The following ASPH variants were observed in gnomAD, a reference collection of about 807,000 sequenced individuals.
ASPH encodes aspartate beta-hydroxylase, also known as aspartyl/asparaginyl beta-hydroxylase.
A neutral mutation model predicts 118.4 loss-of-function variants in ASPH; 100 were observed. The ratio of observed to expected loss-of-function variants is 0.84; its 90% CI spans 0.72 to 1.00. The LOEUF (loss-of-function observed/expected upper bound fraction) is 1.00, where lower values mean the gene tolerates loss of function less well. ASPH is among the 50% of genes least tolerant of loss of function. The pLI is 0.00. For missense variants in ASPH, 920 were observed against 919.5 expected (o/e 1.00, Z -0.01); for synonymous variants, 315 against 325.6 (o/e 0.97, Z 0.35).
intron 14 of ASPH, among the ~76,000 whole-genome samples, chr8:61,585,002 C>G (rs1316247089): frequency 6.6e-6 from 1 of 152,248 alleles, no homozygotes; most frequent in East Asian, 1.9e-4. Context: ...CTGCGTATCT[C>G]TGTTTTGTGG....
At chr8:61,669,438 T>C (rs185378990) in intron 3 of ASPH, among the ~76,000 whole-genome samples, 214 of 152,326 alleles carry the variant, frequency 1.4e-3, no homozygotes, top group Non-Finnish European at 2.5e-3. Context: ...TCCACTTATA[T>C]GAAATACATA....
intron 20 of ASPH, among the ~76,000 whole-genome samples, chr8:61,551,926 A>C (rs1486567839): frequency 6.6e-6 from 1 of 152,230 alleles, no homozygotes; most frequent in Non-Finnish European, 1.5e-5. Context: ...AGAGGGGGAA[A>C]GGTACAGATA....
intron 2 of ASPH, among the ~76,000 whole-genome samples, chr8:61,683,095 A>G (rs1363478053): frequency 6.6e-6 from 1 of 152,174 alleles, no homozygotes; most frequent in Non-Finnish European, 1.5e-5. Context: ...AAAAGATCAT[A>G]TAATGTATGG....
chr8:61,526,063 A>G lies in ASPH; in HGVS notation c.1814T>C (p.Met605Thr). The change falls in exon 22 of 25, where the codon ATG becomes ACG. Residue 605 changes from methionine to threonine, a missense_variant. Met to Thr is a moderately conservative substitution (Grantham distance 81). Coordinates refer to ENST00000379454, the MANE Select transcript of ASPH (RefSeq NM_004318.4). ...KLIRDEGLAVMDKAKGLFLPE... is the reference protein window; with the variant it reads ...KLIRDEGLAVTDKAKGLFLPE... ...CAGGAAGAGACCTTTGGCTTTATCC[A>G]TCACTGCAAGGCCTTCATCTCGGAT... The G allele has an allele frequency of 6.2e-7, 1 of 1,614,042 alleles. No homozygotes were observed. Among genetic ancestry groups the G allele is most frequent in the East Asian group, 2.2e-5 (1 of 44,880 alleles).
chr8:61,708,563 A>G (rs931820925), intron 1 of ASPH, among the ~76,000 whole-genome samples: 3 of 152,232 alleles, frequency 2.0e-5, no homozygotes, highest in African/African-American at 7.2e-5. Flanking sequence ...TAAGAAAAAG[A>G]AGTTACAGAC....
rs1843617707 is a variant in ASPH, at chr8:61,600,315, G to GTTACCATATCT, written c.977-16287_977-16286insAGATATGGTAA. Among the ~76,000 whole-genome samples, 360 of 147,482 alleles carry GTTACCATATCT rather than the reference G, an allele frequency of 2.4e-3. 1 individual carries two copies. The highest frequency in any genetic ancestry group is 9.0e-3 in the African/African-American group (336 of 37,130). Reference sequence around the variant, plus strand: ...GCAGAAAGCCTTTCCTCTAAGAACTGAAATAAGAAAAAGGTGTTTACTTTC... The same window carrying GTTACCATATCT: ...GCAGAAAGCCTTTCCTCTAAGAACTGTTACCATATCTAAATAAGAAAAAGGTGTTTACTTTC... On this transcript the variant is annotated intron_variant, in intron 14 of 24. Coordinates refer to ENST00000379454, the MANE Select transcript of ASPH (RefSeq NM_004318.4).
chr8:61,551,345 GA>G (rs1420469158), intron 20 of ASPH, among the ~76,000 whole-genome samples: 1 of 152,208 alleles, frequency 6.6e-6, no homozygotes, highest in African/African-American at 2.4e-5. Flanking sequence ...ATAAAAACGT[GA>G]AAGGTGTTTA....
chr8:61,683,139 GCA>G (rs1828929319), intron 2 of ASPH, among the ~76,000 whole-genome samples: 1 of 151,922 alleles, frequency 6.6e-6, no homozygotes, highest in Admixed American at 6.6e-5. Flanking sequence ...ATAAACAAAA[GCA>G]CAGACACAGA....
At chr8:61,581,529 G>A (rs1358004855) in intron 15 of ASPH, among the ~76,000 whole-genome samples, 2 of 152,214 alleles carry the variant, frequency 1.3e-5, no homozygotes, top group Non-Finnish European at 2.9e-5. Context: ...GGGGAAGTAG[G>A]AAGTTTTGCA....
intron 1 of ASPH, chr8:61,689,747 A>AC (rs1832070764): frequency 1.8e-5 from 28 of 1,536,736 alleles, no homozygotes; most frequent in Non-Finnish European, 2.5e-5. Context: ...AAAAAAAAAA[A>AC]CTCAAAAGTA....
chr8:61,610,376 C>T (rs1018773764), intron 14 of ASPH, among the ~76,000 whole-genome samples: 10 of 152,210 alleles, frequency 6.6e-5, no homozygotes, highest in Admixed American at 6.5e-4. Context: ...AAAACCTCTA[C>T]TATACTTGCT....
chr8:61,542,855 T>A (rs972297259), intron 21 of ASPH, among the ~76,000 whole-genome samples: 3 of 152,146 alleles, frequency 2.0e-5, no homozygotes, highest in African/African-American at 7.2e-5. Context: ...GATATAGAAT[T>A]CTTGGTTGGC....
chr8:61,679,312 T>C (rs1826804173), intron 3 of ASPH, among the ~76,000 whole-genome samples: 1 of 152,138 alleles, frequency 6.6e-6, no homozygotes, highest in African/African-American at 2.4e-5. Flanking sequence ...ATAATTCTTA[T>C]AAATGGCACA....
intron 22 of ASPH, among the ~76,000 whole-genome samples, chr8:61,522,207 A>G (rs1260939799): frequency 6.6e-6 from 1 of 152,204 alleles, no homozygotes; most frequent in African/African-American, 2.4e-5. Flanking sequence ...TCAACTCTAA[A>G]AAGCCAGTCC....
chr8:61,607,761 A>C (rs1279274210), intron 14 of ASPH, among the ~76,000 whole-genome samples: 1 of 152,182 alleles, frequency 6.6e-6, no homozygotes, highest in Non-Finnish European at 1.5e-5. Context: ...ACGAAGTGGA[A>C]TGCATCTGCC....
Position 61,618,873 on chromosome 8 carries a change from C to A in ASPH, c.976+105G>T, listed in dbSNP as rs1192028679. ...GAAATAACAAACCCAGGAGCAAATT[C>A]TTTTAATTAGTGACATAAAATCATG... On this transcript the variant is annotated intron_variant, in intron 14 of 24. Transcript: ENST00000379454. 4 of 992,312 alleles carry A rather than the reference C, an allele frequency of 4.0e-6. No homozygotes were observed. In the East Asian group the frequency reaches 7.9e-5, roughly 20 times the overall value. 61.5% of individuals were successfully genotyped at this position (992,312 alleles called of 1,614,324 possible). A position where few individuals can be genotyped will look rare whatever the true frequency, so the allele number is the denominator to read the frequency against.
In ASPH at chr8:61,562,820, G is replaced by A. The variant is rs1188758883; in HGVS notation, c.1361C>T (p.Thr454Ile). Reference protein sequence around the residue: ...QRLVQLFPNDTSLKNDLGVGY... With the variant: ...QRLVQLFPNDISLKNDLGVGY... ...CACGCCAAGGTCATTTTTTAAGGAA[G>A]TATCATTGGGAAATAGTTGAACTAA... Residue 454 changes from threonine to isoleucine, a missense_variant, in exon 18 of 25, where the codon ACT becomes ATT. Transcript: ENST00000379454. The A allele has an allele frequency of 6.2e-7, 1 of 1,612,706 alleles. No individual in the cohort carries two copies. The highest frequency in any genetic ancestry group is 1.7e-4 in the Middle Eastern group (1 of 6,052).
At chr8:61,603,254 A>C (rs117298726) in intron 14 of ASPH, among the ~76,000 whole-genome samples, 1 of 150,682 alleles carries the variant, frequency 6.6e-6, no homozygotes, top group Non-Finnish European at 1.5e-5. Flanking sequence ...TGAATATCAT[A>C]GTTGGATACT....
chr8:61,706,982 G>A (rs1016293155), intron 1 of ASPH, among the ~76,000 whole-genome samples: 2 of 152,142 alleles, frequency 1.3e-5, no homozygotes, highest in Admixed American at 1.3e-4. Flanking sequence ...ACACCAGGTG[G>A]TTCAGAGATC....
Sources: gnomAD v4.1 joint callset for allele counts (sites outside exome capture counted in the v4.1 genomes callset) on GRCh38, gnomAD v4.1.1 for gene constraint, MANE v1.5 for transcripts, NCBI Gene and HGNC (gene_info 2026-07-23, HGNC 2026-07-21) for gene names.